Variants in LMOD3 observed in about 807,000 individuals in gnomAD.
LMOD3 encodes the protein leiomodin-3.
Under a neutral mutation model 41.8 loss-of-function variants are expected in LMOD3, and 31 were observed. The ratio of observed to expected loss-of-function variants is 0.74; its 90% CI spans 0.56 to 1.00. The LOEUF is 1.00. Among genes scored for constraint, LMOD3 ranks in the 50% least tolerant of loss-of-function variants. The pLI is 0.00. For synonymous variants in LMOD3, 292 were observed against 241.9 expected (o/e 1.21, Z -1.92); for missense variants, 755 against 679.5 (o/e 1.11, Z -1.23).
intron 1 of LMOD3, among the ~76,000 whole-genome samples, chr3:69,120,397 CA>C (rs1290777174): frequency 1.3e-5 from 2 of 151,688 alleles, no homozygotes; most frequent in Non-Finnish European, 2.9e-5. Context: ...ATCTAGTACC[CA>C]ACAGTCCTGA....
rs867763388 is a variant in LMOD3 at position 69,107,299 on chromosome 3, C to T, written c.*1796G>A. 7.9e-5 allele frequency: 12 copies of T among 151,814 alleles called. No individual in the cohort carries two copies. The highest frequency in any genetic ancestry group is 2.1e-4 in the South Asian group (1 of 4,816). 9.4% of individuals were successfully genotyped at this position (151,814 alleles called of 1,614,324 possible). On this transcript the variant is annotated 3_prime_UTR_variant, in exon 3 of 3. Transcript: ENST00000420581. The stretch of plus-strand genomic sequence containing the variant: ...TATTTCTTTCCCATGGCTTGTCTTT[C>T]CAAATAATGTGTTGTTTTTAAGTCT...
rs912342568 is a variant in LMOD3, at chr3:69,108,853, T to C, written c.*242A>G. 2 of 387,486 alleles carry C rather than the reference T, an allele frequency of 5.2e-6. No homozygotes were observed. The highest frequency in any genetic ancestry group is 9.1e-6 in the Non-Finnish European group (2 of 219,026). The allele number at this position is 387,486 out of a possible 1,614,324, so 24.0% of individuals were successfully genotyped here. A position where few individuals can be genotyped will look rare whatever the true frequency, so the allele number is the denominator to read the frequency against. On this transcript the variant is annotated 3_prime_UTR_variant, in exon 3 of 3. Transcript: ENST00000420581. ...TAAATTTCACCTGAGTCACTCAAAT[T>C]GATTGCAAGTAGAAAATATTGCCTC...
Position 69,108,670 on chromosome 3 carries a change from T to A in LMOD3, c.*425A>T, listed in dbSNP as rs969871170. Reference sequence around the variant, plus strand: ...GAAACATTATTTGTTCCCTTTAAGATACTATGTGATGAATTACCGCAGAAG... The same window carrying A: ...GAAACATTATTTGTTCCCTTTAAGAAACTATGTGATGAATTACCGCAGAAG... On this transcript the variant is annotated 3_prime_UTR_variant, in exon 3 of 3. Transcript: ENST00000420581. The A allele has an allele frequency of 1.8e-4, 29 of 157,788 alleles. No individual in the cohort carries two copies. Among genetic ancestry groups the A allele is most frequent in the African/African-American group, 7.0e-4 (29 of 41,514 alleles). 9.8% of individuals were successfully genotyped at this position (157,788 alleles called of 1,614,324 possible).
At chr3:69,115,611 GTT>G (rs2092368668) in intron 2 of LMOD3, among the ~76,000 whole-genome samples, 1 of 152,078 alleles carries the variant, frequency 6.6e-6, no homozygotes, top group African/African-American at 2.4e-5. Context: ...TCAAAACTGT[GTT>G]TTAATTTTAA....
intron 2 of LMOD3, among the ~76,000 whole-genome samples, chr3:69,109,954 G>A (rs1176864807): frequency 6.6e-6 from 1 of 152,100 alleles, no homozygotes; most frequent in African/African-American, 2.4e-5. Context: ...TTTGAACCAG[G>A]TCTGCCTGAT....
intron 1 of LMOD3, among the ~76,000 whole-genome samples, chr3:69,121,745 G>A (rs1193579322): frequency 6.6e-6 from 1 of 152,092 alleles, no homozygotes; most frequent in South Asian, 2.1e-4. Context: ...TTCTCAAAGG[G>A]GCCTGCAATA....
At position 69,119,389 on chromosome 3, in the gene LMOD3, G is replaced by A; in HGVS notation, c.966C>T (p.Ile322=). The A allele has an allele frequency of 6.2e-7, 1 of 1,613,936 alleles. No individual in the cohort carries two copies. The highest frequency in any genetic ancestry group is 8.5e-7 in the Non-Finnish European group (1 of 1,179,892). The change falls in exon 2 of 3, where the codon ATC becomes ATT. Residue 322 remains isoleucine (I), a synonymous_variant. Coordinates refer to ENST00000420581, the MANE Select transcript of LMOD3 (RefSeq NM_198271.5). ...TGATGGCCACAATCCCTTTACCTGT[G>A]ATGAAATTGGACTCGATGTTGAGAG... ...ITTLNIESNF[I]TGKGIVAIMR...
chr3:69,121,610 G>A (rs940358449), intron 1 of LMOD3, among the ~76,000 whole-genome samples: 1 of 152,144 alleles, frequency 6.6e-6, no homozygotes, highest in African/African-American at 2.4e-5. Context: ...CTGGTTATTC[G>A]ACTTGGTTTA....
intron 2 of LMOD3, among the ~76,000 whole-genome samples, chr3:69,112,017 C>T (rs907269698): frequency 4.6e-5 from 7 of 152,172 alleles, no homozygotes; most frequent in Non-Finnish European, 1.0e-4. Context: ...GGCAGGCACA[C>T]ATTTTAATCA....
At chr3:69,121,918 A>C (rs1239649538) in intron 1 of LMOD3, among the ~76,000 whole-genome samples, 175 bp downstream of exon 1, 2 of 152,236 alleles carry the variant, frequency 1.3e-5, no homozygotes, top group African/African-American at 4.8e-5. Flanking sequence ...GTAAATATAA[A>C]TGTGTTTCAG....
chr3:69,118,893 C>T lies in LMOD3; in HGVS notation c.1462G>A (p.Val488Met), dbSNP rs2092390334. 6.2e-7 allele frequency: 1 copy of T among 1,611,424 alleles called. No homozygotes were observed. Among genetic ancestry groups the T allele is most frequent in the Admixed American group, 1.7e-5 (1 of 59,608 alleles). Reference protein sequence around the residue: ...YRTDPDSFRVVKLKRIQRKSR... With the variant: ...YRTDPDSFRVMKLKRIQRKSR... ...TTGCGCTGGATTCTCTTCAGCTTCA[C>T]CACCCGGAAGGAGTCAGGGTCTGTC... Residue 488 changes from valine to methionine, a missense_variant, in exon 2 of 3, where the codon GTG (valine) becomes ATG (methionine). Val to Met is a conservative substitution (Grantham distance 21). Coordinates refer to ENST00000420581, the MANE Select transcript of LMOD3 (RefSeq NM_198271.5).
chr3:69,117,643 A>C (rs80017857), intron 2 of LMOD3, among the ~76,000 whole-genome samples: 1,637 of 152,294 alleles, frequency 0.011, 28 homozygotes, highest in African/African-American at 0.037. Flanking sequence ...GTAAATGTTA[A>C]ATTGAAATAG....
chr3:69,112,806 ACT>A (rs2092355593), intron 2 of LMOD3, among the ~76,000 whole-genome samples: 1 of 152,112 alleles, frequency 6.6e-6, no homozygotes, highest in Non-Finnish European at 1.5e-5. Context: ...TGAATCAGAG[ACT>A]CTGTCAGTGG....
At chr3:69,113,993 A>G (rs1287384295) in intron 2 of LMOD3, among the ~76,000 whole-genome samples, 1 of 152,216 alleles carries the variant, frequency 6.6e-6, no homozygotes, top group Non-Finnish European at 1.5e-5. Context: ...TAAGACAAAG[A>G]TTTTTAAAAA....
rs544902955 is a variant in LMOD3 at position 69,108,518 on chromosome 3, A to G, written c.*577T>C. Reference sequence around the variant, plus strand: ...ACACCAAGGGAGTCACCAAGAGAGAAAGCCAGGCAGGGTGGGAAACTGAAA... The same window carrying G: ...ACACCAAGGGAGTCACCAAGAGAGAGAGCCAGGCAGGGTGGGAAACTGAAA... On this transcript the variant is annotated 3_prime_UTR_variant, in exon 3 of 3. Transcript: ENST00000420581. 6.5e-6 allele frequency: 1 copy of G among 152,752 alleles called. No individual in the cohort carries two copies. The highest frequency in any genetic ancestry group is 2.1e-4 in the South Asian group (1 of 4,822). 9.5% of individuals were successfully genotyped at this position (152,752 alleles called of 1,614,324 possible).
rs1039824308 is a variant in LMOD3, at chr3:69,122,133, A to G, written c.254T>C (p.Leu85Pro). The G allele has an allele frequency of 1.2e-6, 2 of 1,612,770 alleles. No homozygotes were observed. The highest frequency in any genetic ancestry group is 2.2e-5 in the East Asian group (1 of 44,804). ...GGTGACAGGAACTCGTTCCTCTTCC[A>G]GCATGCGCCTGGATGCCTTTTCCCA... is the stretch of plus-strand genomic sequence containing the variant. ...MYWEKASRRMLEEERVPVTFV... is the reference protein window; with the variant it reads ...MYWEKASRRMPEEERVPVTFV... The change falls in exon 1 of 3, where the codon CTG becomes CCG. Residue 85 changes from leucine to proline, a missense_variant. Transcript: ENST00000420581.
chr3:69,120,619 C>A (rs1215661962), intron 1 of LMOD3, among the ~76,000 whole-genome samples: 1 of 148,876 alleles, frequency 6.7e-6, no homozygotes, highest in Non-Finnish European at 1.5e-5. Flanking sequence ...TATTTAAAAA[C>A]CTCAATTTTG....
At chr3:69,115,080 T>G (rs1421508113) in intron 2 of LMOD3, among the ~76,000 whole-genome samples, 1 of 152,100 alleles carries the variant, frequency 6.6e-6, no homozygotes, top group East Asian at 1.9e-4. Flanking sequence ...GTTTTGTTGC[T>G]CATGTTGGTC....
chr3:69,116,977 A>C (rs2092377428), intron 2 of LMOD3, among the ~76,000 whole-genome samples: 1 of 152,190 alleles, frequency 6.6e-6, no homozygotes, highest in Non-Finnish European at 1.5e-5. Context: ...TCTTTTCTGA[A>C]TGTACAGCCA....
Sources: gnomAD v4.1 joint callset for allele counts (sites outside exome capture counted in the v4.1 genomes callset) on GRCh38, gnomAD v4.1.1 for gene constraint, MANE v1.5 for transcripts, NCBI Gene and HGNC (gene_info 2026-07-23, HGNC 2026-07-21) for gene names.